CDK6: variants seen among roughly 807,000 people sequenced by gnomAD.
The protein encoded by CDK6 is cyclin-dependent kinase 6.
In CDK6, 6 loss-of-function variants were observed where a neutral mutation model predicts 37.1. That is an observed-to-expected ratio of 0.16 (90% CI 0.09 to 0.32). CDK6 has a LOEUF of 0.32. Ranked by LOEUF, CDK6 falls within the 10% of genes least tolerant of loss-of-function variation. The pLI, the probability that CDK6 is intolerant of heterozygous loss-of-function variation, is 1.00. For synonymous variants in CDK6, 160 were observed against 161.3 expected (o/e 0.99, Z 0.06); for missense variants, 224 against 418.9 (o/e 0.53, Z 4.06).
At chr7:92,768,482 T>A (rs1799637656) in intron 3 of CDK6, among the ~76,000 whole-genome samples, 1 of 152,258 alleles carries the variant, frequency 6.6e-6, no homozygotes. Context: ...TTCACAAATG[T>A]ACTTTCTTTT....
At chr7:92,697,192 C>T (rs892357925) in intron 4 of CDK6, among the ~76,000 whole-genome samples, 2 of 152,188 alleles carry the variant, frequency 1.3e-5, no homozygotes, top group Non-Finnish European at 2.9e-5. Flanking sequence ...ATCGGCCTGG[C>T]TTTCATTACA....
chr7:92,773,147 T>G (rs1441171305), intron 3 of CDK6, among the ~76,000 whole-genome samples: 1 of 152,216 alleles, frequency 6.6e-6, no homozygotes, highest in African/African-American at 2.4e-5. Context: ...TGTAAGACAC[T>G]GTCAGGACAT....
In CDK6 at chr7:92,658,278, G is replaced by A. The variant is rs182797504; in HGVS notation, c.647+13148C>T. 2.8e-4 allele frequency among the ~76,000 whole-genome samples: 43 copies of A among 152,236 alleles called. No individual in the cohort carries two copies. In the East Asian group the frequency reaches 7.7e-3, roughly 27 times the overall value. ...ATTTACTGTACAGAAATACCTGGAC[G>A]AATGCTCCATAAAATAAGCACAAAG... On this transcript the variant is annotated intron_variant, in intron 5 of 7. Coordinates refer to ENST00000424848, the MANE Select transcript of CDK6 (RefSeq NM_001145306.2).
chr7:92,679,132 C>T (rs1475721998), intron 4 of CDK6, among the ~76,000 whole-genome samples: 3 of 152,176 alleles, frequency 2.0e-5, no homozygotes, highest in Non-Finnish European at 4.4e-5. Context: ...CCTTGAACTA[C>T]TTGAGTTTGA....
intron 4 of CDK6, among the ~76,000 whole-genome samples, chr7:92,715,602 C>T (rs1798214154): frequency 6.6e-6 from 1 of 152,154 alleles, no homozygotes; most frequent in Non-Finnish European, 1.5e-5. Flanking sequence ...AAGCAGAAAG[C>T]AGGAGCAATA....
chr7:92,728,854 A>G (rs1798575516), intron 3 of CDK6, among the ~76,000 whole-genome samples: 1 of 152,174 alleles, frequency 6.6e-6, no homozygotes, highest in South Asian at 2.1e-4. Flanking sequence ...TGAGTTAACG[A>G]CTTAAAAAAC....
At chr7:92,633,276 G>GTGA (rs966571258) in intron 5 of CDK6, among the ~76,000 whole-genome samples, 1 of 152,106 alleles carries the variant, frequency 6.6e-6, no homozygotes, top group Admixed American at 6.6e-5. Flanking sequence ...CCAATGATGT[G>GTGA]TGATAACTCA....
intron 4 of CDK6, among the ~76,000 whole-genome samples, chr7:92,699,106 T>C (rs1042364852): frequency 6.6e-5 from 10 of 152,326 alleles, no homozygotes; most frequent in African/African-American, 2.4e-4. Context: ...TATCTTCCTT[T>C]TGCATGAATT....
At chr7:92,808,189 C>T (rs535828983) in intron 2 of CDK6, among the ~76,000 whole-genome samples, 3 of 152,222 alleles carry the variant, frequency 2.0e-5, no homozygotes, top group Non-Finnish European at 4.4e-5. Flanking sequence ...ATACACAGAA[C>T]ACTCATTAAA....
chr7:92,815,013 A>G (rs1273666568), intron 2 of CDK6, among the ~76,000 whole-genome samples: 2 of 152,194 alleles, frequency 1.3e-5, no homozygotes, highest in African/African-American at 2.4e-5. Flanking sequence ...GCCCTAGAAC[A>G]AGCCATGAGG....
chr7:92,637,789 G>A (rs891576927), intron 5 of CDK6, among the ~76,000 whole-genome samples: 7 of 152,010 alleles, frequency 4.6e-5, no homozygotes, highest in Non-Finnish European at 8.8e-5. Flanking sequence ...AACAGCCAAC[G>A]ACAAGGCCAA....
chr7:92,734,803 C>T (rs919392882), intron 3 of CDK6, among the ~76,000 whole-genome samples: 2 of 152,276 alleles, frequency 1.3e-5, no homozygotes, highest in South Asian at 4.1e-4. Flanking sequence ...AAAACATGTT[C>T]ATATGTGTTG....
chr7:92,643,183 G>A (rs1326345222), intron 5 of CDK6, among the ~76,000 whole-genome samples: 2 of 152,144 alleles, frequency 1.3e-5, no homozygotes, highest in Admixed American at 6.5e-5. Context: ...CACCACGCCC[G>A]GCCAAATCCC....
chr7:92,746,787 T>C lies in CDK6; in HGVS notation c.370-20994A>G, dbSNP rs570224895. Among the ~76,000 whole-genome samples, 3 of 152,266 alleles carry C rather than the reference T, an allele frequency of 2.0e-5. No individual in the cohort carries two copies. The South Asian group carries it at 6.2e-4, about 32-fold the overall frequency. On this transcript the variant is annotated intron_variant, in intron 3 of 7. Transcript: ENST00000424848. ...ATTTTTTTTGCTTGCCTCAATATGA[T>C]GGGGGAAATATTTACTATCATTTTA...
intron 4 of CDK6, among the ~76,000 whole-genome samples, chr7:92,686,677 T>C (rs754835684): frequency 3.3e-5 from 5 of 152,212 alleles, no homozygotes; most frequent in Non-Finnish European, 5.9e-5. Flanking sequence ...ATGATAGCTC[T>C]ACTTTTAGTT....
At chr7:92,779,635 T>G (rs1159072465) in intron 2 of CDK6, among the ~76,000 whole-genome samples, 1 of 152,168 alleles carries the variant, frequency 6.6e-6, no homozygotes, top group African/African-American at 2.4e-5. Context: ...GATACTCTCT[T>G]TTTTGGCTCC....
At chr7:92,800,098 A>G (rs997313486) in intron 2 of CDK6, among the ~76,000 whole-genome samples, 4 of 152,230 alleles carry the variant, frequency 2.6e-5, no homozygotes, top group African/African-American at 7.2e-5. Context: ...CTAGGACTTA[A>G]CTATCTCTCA....
intron 3 of CDK6, among the ~76,000 whole-genome samples, chr7:92,761,389 C>T (rs943177501): frequency 1.1e-4 from 17 of 152,244 alleles, no homozygotes; most frequent in Admixed American, 2.6e-4. Context: ...AAAGTGTTGT[C>T]TTCAGCCTCC....
At chr7:92,684,452 G>A (rs1797404520) in intron 4 of CDK6, among the ~76,000 whole-genome samples, 1 of 152,154 alleles carries the variant, frequency 6.6e-6, no homozygotes, top group Admixed American at 6.5e-5. Context: ...TCATGGATGT[G>A]CAAATGACTG....
Sources: gnomAD v4.1 joint callset for allele counts (sites outside exome capture counted in the v4.1 genomes callset) on GRCh38, gnomAD v4.1.1 for gene constraint, MANE v1.5 for transcripts, NCBI Gene and HGNC (gene_info 2026-07-23, HGNC 2026-07-21) for gene names.